The following DLC1 variants were observed in gnomAD, a reference collection of about 807,000 sequenced individuals.
DLC1 encodes DLC1 Rho GTPase activating protein.
Under a neutral mutation model 140.3 loss-of-function variants are expected in DLC1, and 54 were observed. That is an observed-to-expected ratio of 0.38 (90% CI 0.31 to 0.48). The LOEUF is 0.48. DLC1 is among the 20% of genes least tolerant of loss of function. The pLI is 0.96. For missense variants in DLC1, 2,536 were observed against 1,907.0 expected (o/e 1.33, Z -6.14); for synonymous variants, 986 against 728.1 (o/e 1.35, Z -5.70).
chr8:13,144,129 C>T (rs1823242512), intron 5 of DLC1, among the ~76,000 whole-genome samples: 1 of 152,200 alleles, frequency 6.6e-6, no homozygotes, highest in African/African-American at 2.4e-5. Context: ...TAAGAAAGAT[C>T]TCTCACCCAA....
At chr8:13,386,421 T>A (rs1200263931) in intron 4 of DLC1, among the ~76,000 whole-genome samples, 1 of 152,024 alleles carries the variant, frequency 6.6e-6, no homozygotes, top group Non-Finnish European at 1.5e-5. Context: ...AAGTATTATA[T>A]ATATCAAGAT....
At chr8:13,151,317 C>T (rs1438991696) in intron 5 of DLC1, among the ~76,000 whole-genome samples, 1 of 152,156 alleles carries the variant, frequency 6.6e-6, no homozygotes, top group South Asian at 2.1e-4. Context: ...TATGTATGCA[C>T]TTTTGAAGTG....
chr8:13,250,070 C>T (rs1034411143), intron 5 of DLC1, among the ~76,000 whole-genome samples: 5 of 152,144 alleles, frequency 3.3e-5, no homozygotes, highest in Non-Finnish European at 4.4e-5. Flanking sequence ...CCCTTCAGGG[C>T]GTGGAATGGA....
chr8:13,332,434 C>CTTTT (rs5889435), intron 4 of DLC1, among the ~76,000 whole-genome samples: 4 of 148,108 alleles, frequency 2.7e-5, no homozygotes, highest in Admixed American at 6.7e-5. Context: ...TTTCTTTTGT[C>CTTTT]TTTTTTTTTT....
chr8:13,124,586 C>T (rs2128958039), intron 5 of DLC1, among the ~76,000 whole-genome samples: 1 of 152,318 alleles, frequency 6.6e-6, no homozygotes, highest in East Asian at 1.9e-4. Context: ...GATACTCTAT[C>T]ACAGAGGACA....
At chr8:13,567,198 A>T in intron 1 of DLC1, 1 of 1,551,858 alleles carries the variant, frequency 6.4e-7, no homozygotes, top group Non-Finnish European at 8.7e-7. Context: ...AAGGAGACAC[A>T]CAATCTGAGC....
chr8:13,285,113 C>T (rs898512657), intron 5 of DLC1, among the ~76,000 whole-genome samples: 1 of 152,160 alleles, frequency 6.6e-6, no homozygotes, highest in Non-Finnish European at 1.5e-5. Context: ...AGGATTTACA[C>T]TGCCTGATTC....
intron 1 of DLC1, among the ~76,000 whole-genome samples, chr8:13,604,185 A>G (rs1805974129): frequency 6.6e-6 from 1 of 152,148 alleles, no homozygotes; most frequent in Non-Finnish European, 1.5e-5. Flanking sequence ...AAATTTAACA[A>G]ATATTTTCAC....
At chr8:13,290,647 G>A (rs7013659) in intron 5 of DLC1, among the ~76,000 whole-genome samples, 11,634 of 152,138 alleles carry the variant, frequency 0.076, 496 homozygotes, top group South Asian at 0.16. Context: ...TAAGAAGTTC[G>A]GATAGAGTAC....
At chr8:13,505,071 G>A (rs908371724) in intron 1 of DLC1, among the ~76,000 whole-genome samples, 3 of 152,086 alleles carry the variant, frequency 2.0e-5, no homozygotes, top group African/African-American at 4.8e-5. Flanking sequence ...ATTATTAATA[G>A]TTATAGAGAA....
chr8:13,425,795 G>T (rs1282162204), intron 2 of DLC1, among the ~76,000 whole-genome samples: 1 of 152,114 alleles, frequency 6.6e-6, no homozygotes, highest in East Asian at 1.9e-4. Flanking sequence ...TATTTTTGGG[G>T]TGATAGGGTC....
intron 5 of DLC1, among the ~76,000 whole-genome samples, chr8:13,123,088 G>A (rs1821239396): frequency 1.3e-5 from 2 of 152,166 alleles, no homozygotes; most frequent in Admixed American, 1.3e-4. Context: ...CAGCGCGTAT[G>A]AGGACCCTCT....
At chr8:13,568,684 A>G (rs887823480) in intron 1 of DLC1, among the ~76,000 whole-genome samples, 2 of 152,346 alleles carry the variant, frequency 1.3e-5, no homozygotes, top group East Asian at 3.9e-4. Flanking sequence ...TTGTGAAAAA[A>G]GTTATCAAGT....
chr8:13,206,461 CGA>C (rs1490893636), intron 5 of DLC1, among the ~76,000 whole-genome samples: 1 of 151,904 alleles, frequency 6.6e-6, no homozygotes, highest in African/African-American at 2.4e-5. Context: ...GGAATATGAA[CGA>C]TTACCTTCCC....
chr8:13,090,100 C>A (rs182532408), intron 15 of DLC1, 152 bp downstream of exon 15: 2 of 662,042 alleles, frequency 3.0e-6, no homozygotes, highest in Non-Finnish European at 5.1e-6. Context: ...ACTCTCACCA[C>A]GGGGATCTTA....
intron 1 of DLC1, among the ~76,000 whole-genome samples, chr8:13,588,445 C>T (rs1011066147): frequency 1.3e-5 from 2 of 151,918 alleles, no homozygotes; most frequent in Non-Finnish European, 2.9e-5. Flanking sequence ...AGCAGAGACC[C>T]GATAAAAACT....
At chr8:13,421,901 T>G (rs1233519838) in intron 2 of DLC1, among the ~76,000 whole-genome samples, 2 of 152,112 alleles carry the variant, frequency 1.3e-5, no homozygotes, top group Non-Finnish European at 2.9e-5. Context: ...GTATCTAACT[T>G]GTTCTCCATA....
chr8:13,518,976 C>A (rs1463455512), upstream of DLC1, among the ~76,000 whole-genome samples: 1 of 151,630 alleles, frequency 6.6e-6, no homozygotes, highest in African/African-American at 2.4e-5. Flanking sequence ...AATATATTAT[C>A]AAGAATTTTT....
chr8:13,264,776 T>G (rs1251082101), intron 5 of DLC1, among the ~76,000 whole-genome samples: 1 of 152,226 alleles, frequency 6.6e-6, no homozygotes, highest in East Asian at 1.9e-4. Context: ...TGAGAAAAGA[T>G]TTTTGGGAAG....
Sources: gnomAD v4.1 joint callset for allele counts (sites outside exome capture counted in the v4.1 genomes callset) on GRCh38, gnomAD v4.1.1 for gene constraint, MANE v1.5 for transcripts, NCBI Gene and HGNC (gene_info 2026-07-23, HGNC 2026-07-21) for gene names.